GALNT2: variants seen among roughly 807,000 people sequenced by gnomAD.
GALNT2 encodes polypeptide N-acetylgalactosaminyltransferase 2.
Under a neutral mutation model 81.4 loss-of-function variants are expected in GALNT2, and 31 were observed. That is an observed-to-expected ratio of 0.38 (90% confidence interval 0.29 to 0.51). The LOEUF is 0.51. Among genes scored for constraint, GALNT2 ranks in the 20% least tolerant of loss-of-function variants. The pLI is 0.87. For synonymous variants in GALNT2, 303 were observed against 287.4 expected (o/e 1.05, Z -0.55); for missense variants, 629 against 765.7 (o/e 0.82, Z 2.11).
At chr1:230,231,006 T>G (rs1321578341) in intron 3 of GALNT2, among the ~76,000 whole-genome samples, 1 of 152,178 alleles carries the variant, frequency 6.6e-6, no homozygotes, top group Non-Finnish European at 1.5e-5. Flanking sequence ...CTCCCACCTT[T>G]GCATCTCCTG....
At chr1:230,250,780 C>G (rs777966893) in intron 10 of GALNT2, among the ~76,000 whole-genome samples, 1 of 152,130 alleles carries the variant, frequency 6.6e-6, no homozygotes, top group Non-Finnish European at 1.5e-5. Context: ...TGCCAGAATA[C>G]GGATAAAGTC....
At position 230,156,226 on chromosome 1, in the gene GALNT2, AGAGAGAAAGAGAGAGAGAGTGT is replaced by A. The variant is rs1448707791; in HGVS notation, c.127-21990_127-21969del. 4.2e-5 allele frequency among the ~76,000 whole-genome samples: 6 copies of A among 142,290 alleles called. No individual in the cohort carries two copies. In the South Asian group the frequency reaches 1.2e-3, roughly 29 times the overall value. The allele number at this position is 142,290 out of a possible 152,430, so 93.3% of individuals were successfully genotyped here. ...GCAGACGAGGGAGAGAGAGAGAGAG[AGAGAGAAAGAGAGAGAGAGTGT>A]GTGTGTGTGTGTGTGTGTGTTTTAC... On this transcript the variant is annotated intron_variant, in intron 1 of 15. Coordinates refer to ENST00000366672, the MANE Select transcript of GALNT2 (RefSeq NM_004481.5).
chr1:230,187,564 G>A (rs66984364), intron 2 of GALNT2, among the ~76,000 whole-genome samples: 26,609 of 152,166 alleles, frequency 0.17, 2,627 homozygotes, highest in South Asian at 0.33. Flanking sequence ...TCTTAGATTT[G>A]CTGTCCACAG....
chr1:230,062,844 C>T (rs925077402), upstream of GALNT2, among the ~76,000 whole-genome samples: 10 of 152,032 alleles, frequency 6.6e-5, no homozygotes, highest in South Asian at 8.3e-4. Context: ...CCGTTTGAGT[C>T]GCTGCTTTCA....
At chr1:230,185,457 T>C (rs925248560) in intron 2 of GALNT2, among the ~76,000 whole-genome samples, 1 of 152,096 alleles carries the variant, frequency 6.6e-6, no homozygotes, top group Non-Finnish European at 1.5e-5. Context: ...TATAGTCCTA[T>C]GATTTGGTCT....
Position 230,262,573 on chromosome 1 carries a change from A to C in GALNT2, c.1137A>C (p.Arg379=). Residue 379 remains arginine (R), a splice_region_variant and synonymous_variant, in exon 12 of 16, where the codon CGA becomes CGC. Coordinates refer to ENST00000366672, the MANE Select transcript of GALNT2 (RefSeq NM_004481.5). ...ACCTCAAGATTTATTTTCTTTCTAG[A>C]AACACCCGCCGGGCAGCAGAGGTCT... ...FPGGSGTVFA[R]NTRRAAEVWM... 6.2e-7 allele frequency: 1 copy of C among 1,613,392 alleles called. No homozygotes were observed. Among genetic ancestry groups the C allele is most frequent in the Non-Finnish European group, 8.5e-7 (1 of 1,179,378 alleles).
chr1:230,174,318 C>G, intron 1 of GALNT2, among the ~76,000 whole-genome samples: 1 of 152,226 alleles, frequency 6.6e-6, no homozygotes. Flanking sequence ...CTCTCCCCTG[C>G]ACTGACACCT....
chr1:230,203,323 C>T, intron 3 of GALNT2, 33 bp downstream of exon 3: 1 of 1,607,206 alleles, frequency 6.2e-7, no homozygotes, highest in Non-Finnish European at 8.5e-7. Context: ...GCTGCAGCTT[C>T]ATTTGCTTTC....
chr1:230,194,293 T>C (rs1267107055), intron 2 of GALNT2, among the ~76,000 whole-genome samples: 1 of 152,172 alleles, frequency 6.6e-6, no homozygotes, highest in African/African-American at 2.4e-5. Flanking sequence ...GGGTAGTGGC[T>C]AGTCAGGACA....
chr1:230,090,067 T>G (rs532416624), intron 1 of GALNT2, among the ~76,000 whole-genome samples: 1 of 152,340 alleles, frequency 6.6e-6, no homozygotes, highest in South Asian at 2.1e-4. Context: ...TTATTTTCTG[T>G]TGTTTGATAG....
At chr1:230,240,813 A>G (rs747290913) in intron 6 of GALNT2, among the ~76,000 whole-genome samples, 1 of 151,684 alleles carries the variant, frequency 6.6e-6, no homozygotes, top group African/African-American at 2.4e-5. Context: ...TTCTTCATGT[A>G]TTTTTTTCTG....
At chr1:230,075,149 A>G (rs1227578821) in intron 1 of GALNT2, among the ~76,000 whole-genome samples, 1 of 114,676 alleles carries the variant, frequency 8.7e-6, no homozygotes. Flanking sequence ...TTTTTGAGAC[A>G]AAGTCTCACT....
intron 3 of GALNT2, among the ~76,000 whole-genome samples, chr1:230,223,906 G>T (rs6697949): frequency 0.57 from 85,986 of 151,586 alleles, 27,034 homozygotes; most frequent in East Asian, 0.89. Flanking sequence ...AACTGCTCAG[G>T]GGTCCCACAG....
intron 1 of GALNT2, among the ~76,000 whole-genome samples, chr1:230,076,780 G>C (rs1451745414): frequency 6.6e-6 from 1 of 152,160 alleles, no homozygotes; most frequent in Non-Finnish European, 1.5e-5. Context: ...GGGATGGTTA[G>C]GCACCGTGCG....
At chr1:230,214,502 T>A (rs1446051365) in intron 3 of GALNT2, among the ~76,000 whole-genome samples, 1 of 152,240 alleles carries the variant, frequency 6.6e-6, no homozygotes, top group African/African-American at 2.4e-5. Flanking sequence ...TCAGTTGTCT[T>A]CTGTTTTTTG....
At chr1:230,220,064 T>G in intron 3 of GALNT2, among the ~76,000 whole-genome samples, 1 of 152,222 alleles carries the variant, frequency 6.6e-6, no homozygotes, top group East Asian at 1.9e-4. Flanking sequence ...AGAGAGCTAT[T>G]AATGACATAT....
At chr1:230,223,424 A>T (rs1664612251) in intron 3 of GALNT2, among the ~76,000 whole-genome samples, 1 of 151,046 alleles carries the variant, frequency 6.6e-6, no homozygotes, top group Non-Finnish European at 1.5e-5. Context: ...AGCCAACCTG[A>T]TGGTCTAAAG....
chr1:230,256,786 A>G (rs569031278), intron 11 of GALNT2, among the ~76,000 whole-genome samples: 2 of 152,354 alleles, frequency 1.3e-5, no homozygotes, highest in Non-Finnish European at 2.9e-5. Flanking sequence ...TCTTGAGTGT[A>G]GACAGCAAAA....
chr1:230,245,570 A>G (rs564885356), intron 7 of GALNT2, among the ~76,000 whole-genome samples: 19 of 152,368 alleles, frequency 1.2e-4, no homozygotes, highest in African/African-American at 4.3e-4. Context: ...CTGTGATAAT[A>G]TTGATACTTA....
Sources: gnomAD v4.1 joint callset for allele counts (sites outside exome capture counted in the v4.1 genomes callset) on GRCh38, gnomAD v4.1.1 for gene constraint, MANE v1.5 for transcripts, NCBI Gene and HGNC (gene_info 2026-07-23, HGNC 2026-07-21) for gene names.